The following EXOC6B variants were observed in gnomAD, a reference collection of about 807,000 sequenced individuals.
EXOC6B encodes SEC15 homolog B.
EXOC6B carries 54 observed loss-of-function variants against 113.5 expected under a neutral mutation model. The observed-to-expected ratio is 0.48, with a 90% confidence interval of 0.38 to 0.60. EXOC6B has a LOEUF of 0.60. EXOC6B is among the 20% of genes least tolerant of loss of function. The pLI is 0.00. For synonymous variants in EXOC6B, 357 were observed against 339.0 expected, an observed-to-expected ratio of 1.05 and a Z score of -0.58; for missense variants, 797 against 977.5, an observed-to-expected ratio of 0.82 and a Z score of 2.46.
At chr2:72,374,054 A>G (rs1271901728) in intron 19 of EXOC6B, among the ~76,000 whole-genome samples, 5 of 152,166 alleles carry the variant, frequency 3.3e-5, no homozygotes, top group African/African-American at 1.2e-4. Flanking sequence ...GCGCCTCCAG[A>G]GTGAGACCCT....
chr2:72,589,597 G>A (rs1045278324), intron 6 of EXOC6B, among the ~76,000 whole-genome samples: 2 of 151,936 alleles, frequency 1.3e-5, no homozygotes, highest in Non-Finnish European at 2.9e-5. Context: ...GGATATGCAG[G>A]TCTATCTGGT....
intron 18 of EXOC6B, among the ~76,000 whole-genome samples, chr2:72,429,575 T>C (rs1695402628): frequency 6.6e-6 from 1 of 152,228 alleles, no homozygotes; most frequent in Non-Finnish European, 1.5e-5. Context: ...GTAGCAATTA[T>C]TTACTATCTG....
chr2:72,205,103 A>G (rs928577452), intron 20 of EXOC6B, among the ~76,000 whole-genome samples: 1 of 152,080 alleles, frequency 6.6e-6, no homozygotes, highest in African/African-American at 2.4e-5. Context: ...TGCCAGAGAG[A>G]GAGAGAATGG....
chr2:72,564,377 A>C (rs1018653930), intron 7 of EXOC6B, among the ~76,000 whole-genome samples: 2 of 152,240 alleles, frequency 1.3e-5, no homozygotes, highest in Non-Finnish European at 2.9e-5. Context: ...TTTGCAAGGA[A>C]TTTAGATATC....
chr2:72,742,662 A>AT (rs1218651858), intron 1 of EXOC6B, among the ~76,000 whole-genome samples: 1 of 152,158 alleles, frequency 6.6e-6, no homozygotes, highest in Non-Finnish European at 1.5e-5. Context: ...CCATACTAAC[A>AT]TGTTTCTTAA....
At chr2:72,762,227 A>G (rs1682781293) in intron 1 of EXOC6B, among the ~76,000 whole-genome samples, 1 of 149,084 alleles carries the variant, frequency 6.7e-6, no homozygotes, top group African/African-American at 2.5e-5. Flanking sequence ...CTGGCAACAG[A>G]GTGAGACTCC....
At chr2:72,628,554 G>A (rs1162986131) in intron 6 of EXOC6B, among the ~76,000 whole-genome samples, 1 of 152,126 alleles carries the variant, frequency 6.6e-6, no homozygotes, top group Non-Finnish European at 1.5e-5. Context: ...CAATATGATG[G>A]TATTAGGAGG....
chr2:72,618,456 C>A (rs1671539545), intron 6 of EXOC6B, among the ~76,000 whole-genome samples: 1 of 152,150 alleles, frequency 6.6e-6, no homozygotes, highest in Non-Finnish European at 1.5e-5. Flanking sequence ...GACATCTTCA[C>A]ATATTCCAAA....
intron 21 of EXOC6B, among the ~76,000 whole-genome samples, chr2:72,180,300 G>A (rs146225990): frequency 1.3e-5 from 2 of 152,290 alleles, no homozygotes; most frequent in African/African-American, 4.8e-5. Context: ...AGCCCTAACT[G>A]GGAAACATGG....
chr2:72,297,997 A>G (rs369997836), intron 20 of EXOC6B, among the ~76,000 whole-genome samples: 17 of 152,330 alleles, frequency 1.1e-4, no homozygotes, highest in African/African-American at 3.4e-4. Flanking sequence ...GTAGATGTCT[A>G]CTAGGTCTGC....
chr2:72,241,488 C>G (rs1044232178), intron 20 of EXOC6B, among the ~76,000 whole-genome samples: 1 of 152,128 alleles, frequency 6.6e-6, no homozygotes, highest in Non-Finnish European at 1.5e-5. Context: ...TATCAAACCA[C>G]AGATCCAGGA....
intron 1 of EXOC6B, among the ~76,000 whole-genome samples, chr2:72,746,683 T>C (rs1681718336): frequency 3.3e-5 from 5 of 152,124 alleles, no homozygotes; most frequent in Admixed American, 3.3e-4. Flanking sequence ...AATAATGTTA[T>C]AAGCATTATT....
intron 7 of EXOC6B, among the ~76,000 whole-genome samples, chr2:72,571,624 A>G (rs1046860422): frequency 6.6e-6 from 1 of 152,180 alleles, no homozygotes; most frequent in African/African-American, 2.4e-5. Flanking sequence ...TTAAACTTCA[A>G]TAAGCTGAGG....
intron 16 of EXOC6B, among the ~76,000 whole-genome samples, chr2:72,488,933 T>G (rs571026915): frequency 6.6e-6 from 1 of 152,316 alleles, no homozygotes; most frequent in East Asian, 1.9e-4. Context: ...CATGAATGCT[T>G]GATACCTCTC....
chr2:72,372,193 T>A (rs1691068100), intron 19 of EXOC6B, among the ~76,000 whole-genome samples: 1 of 152,152 alleles, frequency 6.6e-6, no homozygotes, highest in Non-Finnish European at 1.5e-5. Flanking sequence ...TGCAAAGACA[T>A]TGCATGGTCA....
At chr2:72,681,827 T>C (rs1676723222) in intron 6 of EXOC6B, among the ~76,000 whole-genome samples, 1 of 151,968 alleles carries the variant, frequency 6.6e-6, no homozygotes, top group Admixed American at 6.6e-5. Flanking sequence ...TAATAGACAA[T>C]AGCCACAACA....
intron 20 of EXOC6B, among the ~76,000 whole-genome samples, chr2:72,287,674 A>G (rs1434712137): frequency 1.3e-5 from 2 of 152,000 alleles, no homozygotes; most frequent in Non-Finnish European, 2.9e-5. Context: ...GAATGACTTT[A>G]TGCCAACAGA....
chr2:72,677,516 C>T (rs916773078), intron 6 of EXOC6B, among the ~76,000 whole-genome samples: 6 of 152,210 alleles, frequency 3.9e-5, no homozygotes, highest in Non-Finnish European at 8.8e-5. Flanking sequence ...CAAACACCTT[C>T]AAGTCTACTC....
chr2:72,673,743 T>A (rs1474886306), intron 6 of EXOC6B, among the ~76,000 whole-genome samples: 3 of 149,710 alleles, frequency 2.0e-5, no homozygotes, highest in East Asian at 1.9e-4. Context: ...TATTTTATTT[T>A]TTTATTTATT....
Sources: allele counts gnomAD v4.1 joint callset (sites outside exome capture counted in the v4.1 genomes callset), GRCh38; gene constraint gnomAD v4.1.1; transcripts MANE v1.5; gene names NCBI Gene and HGNC (gene_info 2026-07-23, HGNC 2026-07-21).